Variants in ZFYVE28 observed in about 807,000 individuals in gnomAD.
ZFYVE28 encodes lateral signaling target protein 2 homolog.
In ZFYVE28, 40 loss-of-function variants were observed where a neutral mutation model predicts 82.1. The ratio of observed to expected loss-of-function variants is 0.49; its 90% CI spans 0.38 to 0.63. The LOEUF (loss-of-function observed/expected upper bound fraction) is 0.63, where lower values mean the gene tolerates loss of function less well. ZFYVE28 is among the 30% of genes least tolerant of loss of function. The probability of loss-of-function intolerance (pLI) is 0.00; values close to 1 mark genes in which losing one functional copy is unlikely to be tolerated. For synonymous variants in ZFYVE28, 612 were observed against 546.1 expected (o/e 1.12, Z -1.68); for missense variants, 1,321 against 1,242.1 (o/e 1.06, Z -0.96).
chr4:2,371,320 G>A (rs1377286822), intron 1 of ZFYVE28, among the ~76,000 whole-genome samples: 1 of 152,124 alleles, frequency 6.6e-6, no homozygotes, highest in African/African-American at 2.4e-5. Context: ...ATCAAATAAT[G>A]CAAATACAAC....
At position 2,418,325 on chromosome 4, in the gene ZFYVE28, G is replaced by C. The variant is rs1247883158; in HGVS notation, c.-2C>G. The C allele has an allele frequency of 1.2e-5, 19 of 1,520,518 alleles. No homozygotes were observed. In the East Asian group the frequency reaches 4.9e-4, roughly 39 times the overall value. The allele number at this position is 1,520,518 out of a possible 1,614,324, so 94.2% of individuals were successfully genotyped here. A position where few individuals can be genotyped will look rare whatever the true frequency, so the allele number is the denominator to read the frequency against. On this transcript the variant is annotated 5_prime_UTR_variant, in exon 1 of 13. Transcript: ENST00000290974. This position sits in a 1 kb window ranked among gnomAD's most constrained non-coding sequence, Gnocchi z 4.6. ...CCACTTTCGGAACCTGTTCATCATC[G>C]CCGCGCCGGCCCTGGCCGGACTCCG...
chr4:2,413,575 G>T (rs1463614601), intron 1 of ZFYVE28, among the ~76,000 whole-genome samples: 1 of 152,172 alleles, frequency 6.6e-6, no homozygotes, highest in Non-Finnish European at 1.5e-5. Flanking sequence ...AGCCTGTGCA[G>T]CATCCGGAAC....
chr4:2,288,660 G>T (rs1447000502), intron 8 of ZFYVE28, among the ~76,000 whole-genome samples: 1 of 152,242 alleles, frequency 6.6e-6, no homozygotes, highest in Non-Finnish European at 1.5e-5. Context: ...AACCTCCCAG[G>T]GCCTTAGTTT....
At chr4:2,331,018 A>G in intron 6 of ZFYVE28, 1 of 1,446,168 alleles carries the variant, frequency 6.9e-7, no homozygotes, top group South Asian at 1.2e-5. Flanking sequence ...TGGCTCCTGC[A>G]CGTGTTCTGG....
In ZFYVE28 at chr4:2,301,877, G is replaced by A. The variant is rs550064867; in HGVS notation, c.2051+2412C>T. Reference sequence around the variant, plus strand: ...GAAGCTCATGCTGCATCTCAAAAACGGCCTCACCCAAAAGAAAGAGGAGAG... The same window carrying A: ...GAAGCTCATGCTGCATCTCAAAAACAGCCTCACCCAAAAGAAAGAGGAGAG... On this transcript the variant is annotated intron_variant, in intron 8 of 12. Transcript: ENST00000290974. Among the ~76,000 whole-genome samples, 17 of 152,276 alleles carry A rather than the reference G, an allele frequency of 1.1e-4. No individual in the cohort carries two copies. The South Asian group carries it at 2.5e-3, about 22-fold the overall frequency.
At chr4:2,301,804 G>A (rs1483706894) in intron 8 of ZFYVE28, among the ~76,000 whole-genome samples, 1 of 152,344 alleles carries the variant, frequency 6.6e-6, no homozygotes, top group South Asian at 2.1e-4. Context: ...GAGCCCCTGA[G>A]GAAAGCATCC....
intron 1 of ZFYVE28, among the ~76,000 whole-genome samples, chr4:2,360,448 A>G (rs1335466731): frequency 1.3e-5 from 2 of 148,544 alleles, no homozygotes; most frequent in African/African-American, 4.9e-5. Context: ...CACACACAGA[A>G]ACCCCGTGCT....
intron 6 of ZFYVE28, among the ~76,000 whole-genome samples, chr4:2,331,886 C>T (rs1361102503): frequency 6.6e-6 from 1 of 152,258 alleles, no homozygotes; most frequent in Non-Finnish European, 1.5e-5. Flanking sequence ...GGCAGGCCTC[C>T]TCTGCCAGCC....
At chr4:2,360,390 C>CACAT (rs1553853946) in intron 1 of ZFYVE28, among the ~76,000 whole-genome samples, 1 of 11,214 alleles carries the variant, frequency 8.9e-5, no homozygotes, top group African/African-American at 4.0e-4. Context: ...GAGCTGTAAT[C>CACAT]ACACACACAC....
chr4:2,348,864 T>C, intron 2 of ZFYVE28, among the ~76,000 whole-genome samples: 1 of 152,236 alleles, frequency 6.6e-6, no homozygotes, highest in South Asian at 2.1e-4. Context: ...GATTCCCAGC[T>C]GGTTCTCTGA....
intron 7 of ZFYVE28, among the ~76,000 whole-genome samples, chr4:2,317,224 G>A (rs1718358805): frequency 6.6e-6 from 1 of 152,142 alleles, no homozygotes; most frequent in African/African-American, 2.4e-5. Context: ...CTGACCTCAG[G>A]TGATCCGCCC....
intron 8 of ZFYVE28, among the ~76,000 whole-genome samples, chr4:2,275,063 C>G (rs1330901929): frequency 6.6e-6 from 1 of 152,104 alleles, no homozygotes; most frequent in Non-Finnish European, 1.5e-5. Context: ...GAACAGGGCC[C>G]GGGACCTCCA....
In ZFYVE28 at chr4:2,308,693, A is replaced by G. The variant is rs1381330721; in HGVS notation, c.804-3157T>C. Among the ~76,000 whole-genome samples, 488 of 117,294 alleles carry G rather than the reference A, an allele frequency of 4.2e-3. 9 individuals carry two copies. Among genetic ancestry groups the G allele is most frequent in the African/African-American group, 0.016 (458 of 28,276 alleles). 76.9% of individuals were successfully genotyped at this position (117,294 alleles called of 152,430 possible). A position where few individuals can be genotyped will look rare whatever the true frequency, so the allele number is the denominator to read the frequency against. ...AGAAAGAAAGAGAAAGAAAGAAAAG[A>G]AAAGAAAAGAAAAAAGAAAAGAAAA... is the stretch of plus-strand genomic sequence containing the variant. On this transcript the variant is annotated intron_variant, in intron 7 of 12. Transcript: ENST00000290974.
At position 2,399,083 on chromosome 4, in the gene ZFYVE28, A is replaced by AGGTGAGATCCAGGGCACAAGCGGGG. The variant is rs1297197658; in HGVS notation, c.39+19201_39+19202insCCCCGCTTGTGCCCTGGATCTCACC. Among the ~76,000 whole-genome samples the AGGTGAGATCCAGGGCACAAGCGGGG allele has an allele frequency of 2.2e-4, 26 of 117,496 alleles. 4 individuals are homozygous for AGGTGAGATCCAGGGCACAAGCGGGG. The highest frequency in any genetic ancestry group is 5.6e-4 in the South Asian group (2 of 3,540). 77.1% of individuals were successfully genotyped at this position (117,496 alleles called of 152,430 possible). On this transcript the variant is annotated intron_variant, in intron 1 of 12. Transcript: ENST00000290974. ...AGGTGAGATCCAGGGCACAAGCGTGAAGGTGAGATCCAGGGCACAAGCTGG... is the reference window on the plus strand; with the variant it reads ...AGGTGAGATCCAGGGCACAAGCGTGAGGTGAGATCCAGGGCACAAGCGGGGAGGTGAGATCCAGGGCACAAGCTGG...
intron 6 of ZFYVE28, among the ~76,000 whole-genome samples, chr4:2,334,380 C>T (rs368572216): frequency 8.5e-5 from 13 of 152,096 alleles, no homozygotes; most frequent in East Asian, 1.9e-4. Context: ...GGGTGTTCGG[C>T]GCATCCTGGG....
chr4:2,292,206 C>A (rs2108812083), intron 8 of ZFYVE28, among the ~76,000 whole-genome samples: 1 of 152,310 alleles, frequency 6.6e-6, no homozygotes, highest in African/African-American at 2.4e-5. Flanking sequence ...ATGGCCCAGC[C>A]ATGAAGCGAA....
intron 1 of ZFYVE28, among the ~76,000 whole-genome samples, chr4:2,414,555 C>T (rs748086536): frequency 1.4e-4 from 22 of 152,354 alleles, no homozygotes; most frequent in Middle Eastern, 3.4e-3. Context: ...GAGCTCTTCT[C>T]GGAGTGCAAG....
chr4:2,334,944 A>T (rs1721432076), intron 6 of ZFYVE28, among the ~76,000 whole-genome samples: 1 of 147,506 alleles, frequency 6.8e-6, no homozygotes, highest in Non-Finnish European at 1.5e-5. Context: ...TGGCAGGGGC[A>T]TGGGGAATCC....
At chr4:2,291,485 GC>G (rs1302008134) in intron 8 of ZFYVE28, among the ~76,000 whole-genome samples, 5 of 152,158 alleles carry the variant, frequency 3.3e-5, no homozygotes, top group Non-Finnish European at 7.4e-5. Flanking sequence ...TGCAGCCAAA[GC>G]CCCCGCTTCC....
Sources: allele counts gnomAD v4.1 joint callset (sites outside exome capture counted in the v4.1 genomes callset), GRCh38; gene constraint gnomAD v4.1.1; non-coding constraint Gnocchi (gnomAD v3.1); transcripts MANE v1.5; gene names NCBI Gene and HGNC (gene_info 2026-07-23, HGNC 2026-07-21).